ADAMTS18: variants seen among roughly 807,000 people sequenced by gnomAD.
The protein encoded by ADAMTS18 is A disintegrin and metalloproteinase with thrombospondin motifs 18.
A neutral mutation model predicts 165.9 loss-of-function variants in ADAMTS18; 157 were observed. The observed-to-expected ratio is 0.95, with a 90% confidence interval of 0.83 to 1.08. The LOEUF (loss-of-function observed/expected upper bound fraction) is 1.08. ADAMTS18 is among the 50% of genes least tolerant of loss of function. The pLI is 0.00. For missense variants in ADAMTS18, 2,040 were observed against 1,534.0 expected (o/e 1.33, Z -5.51); for synonymous variants, 782 against 578.2 (o/e 1.35, Z -5.06).
At position 77,325,939 on chromosome 16, in the gene ADAMTS18, T is replaced by C. The variant is rs2056087497; in HGVS notation, c.1959A>G (p.Gln653=). The change falls in exon 13 of 23, where the codon CAA becomes CAG. Residue 653 remains glutamine (Q), a synonymous_variant. Transcript: ENST00000282849. ...CNENSLDFRA[Q]QCAEYNSKPF... is the part of the protein sequence containing the mutation. ...GTTTGCTGTTATATTCTGCACACTG[T>C]TGAGCCCGAAAATCCAAGCTATTTT... 1 of 1,614,126 alleles carries C rather than the reference T, an allele frequency of 6.2e-7. No homozygotes were observed. The highest frequency in any genetic ancestry group is 1.7e-5 in the Admixed American group (1 of 60,016).
At chr16:77,404,791 ACTCT>A (rs766592996) in intron 3 of ADAMTS18, among the ~76,000 whole-genome samples, 2 of 152,026 alleles carry the variant, frequency 1.3e-5, no homozygotes, top group Non-Finnish European at 2.9e-5. Flanking sequence ...GAGAATAATC[ACTCT>A]CTATCCTCAA....
rs371576429 is a variant in ADAMTS18 at position 77,285,940 on chromosome 16, A to C, written c.3551-1869T>G. Among the ~76,000 whole-genome samples, 93 of 152,252 alleles carry C rather than the reference A, an allele frequency of 6.1e-4. 2 individuals are homozygous for C. The South Asian group carries it at 0.019, about 31-fold the overall frequency. On this transcript the variant is annotated intron_variant, in intron 22 of 22. Transcript: ENST00000282849. The stretch of plus-strand genomic sequence containing the variant: ...AGACAACCTGCACTCCTTTCACCTT[A>C]ACTGCCAGTAATCTTCCTAAAGCTA...
At chr16:77,316,368 C>T (rs1184101958) in intron 16 of ADAMTS18, among the ~76,000 whole-genome samples, 1 of 151,974 alleles carries the variant, frequency 6.6e-6, no homozygotes, top group Non-Finnish European at 1.5e-5. Context: ...GCTTCTTCTG[C>T]CTCAGCCTGT....
chr16:77,284,038 C>G lies in ADAMTS18; in HGVS notation c.3584G>C (p.Cys1195Ser). 1.2e-6 allele frequency: 2 copies of G among 1,613,712 alleles called. No individual in the cohort carries two copies. The highest frequency in any genetic ancestry group is 1.7e-6 in the Non-Finnish European group (2 of 1,179,786). ...GACACCATGCTGAGGAACTAGGTGACACCAGTTGAAGAAATCTACGCAGGA... is the reference window on the plus strand; with the variant it reads ...GACACCATGCTGAGGAACTAGGTGAGACCAGTTGAAGAAATCTACGCAGGA... The part of the protein sequence containing the change: ...DPSCVDFFNW[C>S]HLVPQHGVCN... The change falls in exon 23 of 23, where the codon TGT becomes TCT. Residue 1195 changes from cysteine to serine, a missense_variant. Coordinates refer to ENST00000282849, the MANE Select transcript of ADAMTS18 (RefSeq NM_199355.4).
chr16:77,314,757 T>TAC (rs2055852981), intron 16 of ADAMTS18, among the ~76,000 whole-genome samples: 1 of 66,116 alleles, frequency 1.5e-5, no homozygotes, highest in Non-Finnish European at 3.0e-5. Context: ...AGGTTTCATA[T>TAC]ATATATATAT....
chr16:77,434,779 G>C lies in ADAMTS18; in HGVS notation c.-84C>G, dbSNP rs1324950553. ...CGGCGCGCATTCTTTCCGCGGCCCC[G>C]GAGCTCGGCGCCCCAGGTGCGGCTC... On this transcript the variant is annotated 5_prime_UTR_variant, in exon 1 of 23. Transcript: ENST00000282849. 152 of 1,176,922 alleles carry C rather than the reference G, an allele frequency of 1.3e-4. No homozygotes were observed. The highest frequency in any genetic ancestry group is 1.6e-4 in the Non-Finnish European group (142 of 914,696). 72.9% of individuals were successfully genotyped at this position (1,176,922 alleles called of 1,614,324 possible). A position where few individuals can be genotyped will look rare whatever the true frequency, so the allele number is the denominator to read the frequency against.
chr16:77,425,113 C>T (rs2057655021), intron 3 of ADAMTS18, among the ~76,000 whole-genome samples: 2 of 152,104 alleles, frequency 1.3e-5, no homozygotes, highest in African/African-American at 4.8e-5. Context: ...CAATTGTTTC[C>T]AAAGTTCTGC....
At chr16:77,300,015 C>T (rs2055550212) in intron 17 of ADAMTS18, 1 of 394,904 alleles carries the variant, frequency 2.5e-6, no homozygotes, top group Non-Finnish European at 4.6e-6. Flanking sequence ...ATATGTTTTT[C>T]CCATAAGTTT....
In ADAMTS18 at chr16:77,355,837, A is replaced by T. The variant is rs184516835; in HGVS notation, c.1460+103T>A. 18 of 1,350,446 alleles carry T rather than the reference A, an allele frequency of 1.3e-5. No homozygotes were observed. The African/African-American group carries it at 1.9e-4, about 14-fold the overall frequency. 83.7% of individuals were successfully genotyped at this position (1,350,446 alleles called of 1,614,324 possible). A position where few individuals can be genotyped will look rare whatever the true frequency, so the allele number is the denominator to read the frequency against. On this transcript the variant is annotated intron_variant, in intron 9 of 22. Coordinates refer to ENST00000282849, the MANE Select transcript of ADAMTS18 (RefSeq NM_199355.4). ...ATCATTTGTCTTTCTGTTTATTGAC[A>T]GGTCAAAAGGTATTTCCACTGAGTA... is the stretch of plus-strand genomic sequence containing the variant.
chr16:77,381,881 T>G (rs1390247743), intron 3 of ADAMTS18, among the ~76,000 whole-genome samples: 3 of 152,202 alleles, frequency 2.0e-5, no homozygotes, highest in Non-Finnish European at 2.9e-5. Flanking sequence ...AAGTCCTGTG[T>G]TTAGTGGAGA....
chr16:77,401,813 G>T (rs142422824), intron 3 of ADAMTS18, among the ~76,000 whole-genome samples: 1 of 152,194 alleles, frequency 6.6e-6, no homozygotes, highest in African/African-American at 2.4e-5. Context: ...TCTCTCTCTC[G>T]CTCTCTTTTC....
intron 16 of ADAMTS18, among the ~76,000 whole-genome samples, chr16:77,305,980 C>G (rs2055674571): frequency 6.6e-6 from 1 of 152,246 alleles, no homozygotes; most frequent in South Asian, 2.1e-4. Context: ...CTGGAGAACA[C>G]AAACATGCTC....
intron 3 of ADAMTS18, among the ~76,000 whole-genome samples, chr16:77,429,421 T>C (rs529832155): frequency 3.3e-5 from 5 of 152,112 alleles, no homozygotes; most frequent in Admixed American, 1.3e-4. Context: ...CAATAGACAC[T>C]GAGGTCTACT....
intron 3 of ADAMTS18, among the ~76,000 whole-genome samples, chr16:77,373,641 C>G (rs1340377070): frequency 1.3e-5 from 2 of 151,858 alleles, no homozygotes; most frequent in Non-Finnish European, 2.9e-5. Flanking sequence ...ATGGGTGCAC[C>G]AAAATCTCAC....
At chr16:77,432,362 G>A (rs1371604215) in intron 2 of ADAMTS18, 1 of 152,248 alleles carries the variant, frequency 6.6e-6, no homozygotes, top group Admixed American at 6.5e-5. Context: ...CAGGCATGTT[G>A]GTGGGGGAGT....
chr16:77,376,755 G>A (rs1036292688), intron 3 of ADAMTS18, among the ~76,000 whole-genome samples: 11 of 144,242 alleles, frequency 7.6e-5, no homozygotes, highest in Non-Finnish European at 1.5e-5. Flanking sequence ...AAAAACAAGT[G>A]TTTTATTTGT....
At chr16:77,393,776 A>T (rs2057221480) in intron 3 of ADAMTS18, among the ~76,000 whole-genome samples, 1 of 152,214 alleles carries the variant, frequency 6.6e-6, no homozygotes, top group African/African-American at 2.4e-5. Flanking sequence ...GTGGACTAAG[A>T]CACCATCCAA....
intron 3 of ADAMTS18, among the ~76,000 whole-genome samples, chr16:77,408,895 A>C (rs1408203250): frequency 3.9e-5 from 6 of 152,184 alleles, no homozygotes; most frequent in African/African-American, 1.4e-4. Context: ...CAGTCTTAAA[A>C]TAGATGAGTA....
intron 3 of ADAMTS18, among the ~76,000 whole-genome samples, chr16:77,368,618 C>T (rs141555127): frequency 6.7e-4 from 102 of 151,756 alleles, no homozygotes; most frequent in African/African-American, 2.3e-3. Context: ...TCTATATTGC[C>T]CAGGCTCGTC....
Sources: gnomAD v4.1 joint callset for allele counts (sites outside exome capture counted in the v4.1 genomes callset) on GRCh38, gnomAD v4.1.1 for gene constraint, MANE v1.5 for transcripts, NCBI Gene and HGNC (gene_info 2026-07-23, HGNC 2026-07-21) for gene names.